FRMD4A: variants seen among roughly 807,000 people sequenced by gnomAD.
FRMD4A encodes the protein FERM domain-containing protein 4A.
FRMD4A carries 29 observed loss-of-function variants against 129.1 expected under a neutral mutation model. The ratio of observed to expected loss-of-function variants is 0.22; its 90% confidence interval spans 0.17 to 0.31. The LOEUF is 0.31. FRMD4A is among the 10% of genes least tolerant of loss of function. The pLI is 1.00. For missense variants in FRMD4A, 1,272 were observed against 1,375.8 expected, an observed-to-expected ratio of 0.92 and a Z score of 1.19; for synonymous variants, 634 against 571.6, an observed-to-expected ratio of 1.11 and a Z score of -1.56.
At chr10:14,318,443 A>G (rs1846836031) in intron 2 of FRMD4A, among the ~76,000 whole-genome samples, 1 of 152,080 alleles carries the variant, frequency 6.6e-6, no homozygotes, top group Admixed American at 6.5e-5. Flanking sequence ...CCAATCATCA[A>G]TAAGAACTGA....
intron 2 of FRMD4A, among the ~76,000 whole-genome samples, chr10:14,103,015 GA>G (rs1235845617): frequency 6.6e-6 from 1 of 152,170 alleles, no homozygotes; most frequent in African/African-American, 2.4e-5. Flanking sequence ...CAGCCTATAA[GA>G]AATTGAAAGC....
intron 2 of FRMD4A, among the ~76,000 whole-genome samples, chr10:13,975,556 A>G (rs552044531): frequency 1.4e-5 from 2 of 147,094 alleles, no homozygotes; most frequent in East Asian, 4.1e-4. Flanking sequence ...TTGTGTATCT[A>G]TGTGTGTGTC....
intron 4 of FRMD4A, among the ~76,000 whole-genome samples, chr10:13,803,810 C>T (rs1181770221): frequency 1.3e-5 from 2 of 152,166 alleles, no homozygotes; most frequent in African/African-American, 4.8e-5. Flanking sequence ...TCACAATATG[C>T]CCCACAGATC....
intron 9 of FRMD4A, among the ~76,000 whole-genome samples, chr10:13,744,232 G>T (rs2091172968): frequency 6.6e-6 from 1 of 152,162 alleles, no homozygotes; most frequent in Non-Finnish European, 1.5e-5. Flanking sequence ...GGGGTGGTCA[G>T]GTGGTCCAGC....
intron 2 of FRMD4A, among the ~76,000 whole-genome samples, chr10:14,299,933 A>G (rs1297166084): frequency 1.3e-5 from 2 of 152,138 alleles, no homozygotes; most frequent in African/African-American, 4.8e-5. Flanking sequence ...TCTGCTTGTT[A>G]TAACATGAGG....
intron 2 of FRMD4A, chr10:14,074,392 T>C (rs757979564): frequency 6.6e-6 from 1 of 152,196 alleles, no homozygotes; most frequent in African/African-American, 2.4e-5. Context: ...AGATGAATTA[T>C]CAGCTATTTC....
rs370374459 is a variant in FRMD4A, at chr10:14,330,047, T to G, written c.45+11A>C. On this transcript the variant is annotated intron_variant, in intron 2 of 24. Coordinates refer to ENST00000357447, the MANE Select transcript of FRMD4A (RefSeq NM_018027.5). ...CGCTGCCCGGGCCCCACCTCCTGTC[T>G]GAACACTCACCATCAGCAGGCCGAG... 1.6e-4 allele frequency: 247 copies of G among 1,552,240 alleles called. No individual in the cohort carries two copies. Among genetic ancestry groups the G allele is most frequent in the Admixed American group, 1.6e-4 (8 of 51,212 alleles).
At chr10:13,737,183 G>A (rs903074707) in intron 12 of FRMD4A, among the ~76,000 whole-genome samples, 12 of 152,064 alleles carry the variant, frequency 7.9e-5, no homozygotes, top group South Asian at 2.1e-4. Flanking sequence ...TCCGCCTCCC[G>A]GGCTCAAGCG....
chr10:14,226,056 T>G (rs1180738352), intron 2 of FRMD4A, among the ~76,000 whole-genome samples: 1 of 152,234 alleles, frequency 6.6e-6, no homozygotes, highest in Non-Finnish European at 1.5e-5. Context: ...TTGAAGTAAG[T>G]GTCCAACATC....
At chr10:13,988,646 C>T (rs569013621) in intron 2 of FRMD4A, among the ~76,000 whole-genome samples, 6 of 151,868 alleles carry the variant, frequency 4.0e-5, no homozygotes, top group African/African-American at 1.2e-4. Context: ...GGATAGATAC[C>T]GATGGATAGA....
chr10:13,942,815 C>G (rs1240164911), intron 2 of FRMD4A, among the ~76,000 whole-genome samples: 1 of 152,022 alleles, frequency 6.6e-6, no homozygotes, highest in Non-Finnish European at 1.5e-5. Flanking sequence ...CGTCTGTAGT[C>G]CCAGCTACTC....
At chr10:14,330,265 G>T in intron 1 of FRMD4A, 82 bp from the exon 2 acceptor site, 1 of 670,572 alleles carries the variant, frequency 1.5e-6, no homozygotes. Context: ...ACAGGGTGGG[G>T]AGGAGGTCAG....
chr10:13,934,008 G>T (rs2095226805), intron 2 of FRMD4A, among the ~76,000 whole-genome samples: 2 of 152,174 alleles, frequency 1.3e-5, no homozygotes, highest in Non-Finnish European at 2.9e-5. Context: ...ATCAACTAAG[G>T]TTGTAAAGGA....
intron 8 of FRMD4A, among the ~76,000 whole-genome samples, chr10:13,759,936 A>C (rs2092004615): frequency 6.6e-6 from 1 of 152,028 alleles, no homozygotes; most frequent in South Asian, 2.1e-4. Flanking sequence ...TTGAGATCAG[A>C]GTCAGCAACT....
At chr10:13,914,594 G>A (rs2094978803) in intron 2 of FRMD4A, among the ~76,000 whole-genome samples, 1 of 151,986 alleles carries the variant, frequency 6.6e-6, no homozygotes, top group Non-Finnish European at 1.5e-5. Flanking sequence ...CAAAAACTTA[G>A]CTTAAAAGCA....
At chr10:14,039,368 G>T (rs79504451) in intron 2 of FRMD4A, among the ~76,000 whole-genome samples, 3 of 109,440 alleles carry the variant, frequency 2.7e-5, no homozygotes, top group African/African-American at 1.3e-4. Context: ...CTGTCCGTCC[G>T]TCCATCCATC....
chr10:14,089,640 C>CAA lies in FRMD4A; in HGVS notation c.46-230730_46-230729dup, dbSNP rs759243260. ...AAGCAAAAAAAAAAACAAAAAAAAA[C>CAA]AAACAAAAAAAAAACAGAAGAAAGA... is the stretch of plus-strand genomic sequence containing the variant. On this transcript the variant is annotated intron_variant, in intron 2 of 24. Transcript: ENST00000357447. Among the ~76,000 whole-genome samples, 483 of 70,234 alleles carry CAA rather than the reference C, an allele frequency of 6.9e-3. 8 individuals carry two copies. The highest frequency in any genetic ancestry group is 0.016 in the East Asian group (44 of 2,774). 46.1% of individuals were successfully genotyped at this position (70,234 alleles called of 152,430 possible).
intron 2 of FRMD4A, among the ~76,000 whole-genome samples, chr10:13,884,168 T>TCACA (rs745788719): frequency 1.8e-4 from 12 of 67,464 alleles, no homozygotes; most frequent in Admixed American, 5.3e-4. Flanking sequence ...ACACACACAC[T>TCACA]CACACACTCA....
chr10:13,778,597 ACG>A (rs2092658374), intron 6 of FRMD4A, among the ~76,000 whole-genome samples: 1 of 95,814 alleles, frequency 1.0e-5, no homozygotes, highest in Non-Finnish European at 2.2e-5. Context: ...TACCATTCCA[ACG>A]TGTGTGTGTG....
Sources: gnomAD v4.1 joint callset for allele counts (sites outside exome capture counted in the v4.1 genomes callset) on GRCh38, gnomAD v4.1.1 for gene constraint, MANE v1.5 for transcripts, NCBI Gene and HGNC (gene_info 2026-07-23, HGNC 2026-07-21) for gene names.